PARD3B: variants seen among roughly 807,000 people sequenced by gnomAD.
PARD3B encodes par-3 family cell polarity regulator beta, also known as partitioning defective 3 homolog B.
A neutral mutation model predicts 130.2 loss-of-function variants in PARD3B; 103 were observed. The ratio of observed to expected loss-of-function variants is 0.79; its 90% CI spans 0.67 to 0.93. PARD3B has a LOEUF of 0.93. Among genes scored for constraint, PARD3B ranks in the 40% least tolerant of loss-of-function variants. The pLI is 0.00. For missense variants in PARD3B, 1,609 were observed against 1,499.2 expected, an observed-to-expected ratio of 1.07 and a Z score of -1.21; for synonymous variants, 583 against 553.2, an observed-to-expected ratio of 1.05 and a Z score of -0.76.
intron 3 of PARD3B, among the ~76,000 whole-genome samples, chr2:204,981,220 AC>A (rs1442177887): frequency 6.6e-6 from 1 of 152,174 alleles, no homozygotes; most frequent in Non-Finnish European, 1.5e-5. Context: ...GTCCTAGGTA[AC>A]CTAGGTAATT....
chr2:205,331,782 C>CAAAAAAAAAAAAAAAA lies in PARD3B; in HGVS notation c.2630+30089_2630+30104dup, dbSNP rs56654511. 2.1e-3 allele frequency among the ~76,000 whole-genome samples: 100 copies of CAAAAAAAAAAAAAAAA among 48,392 alleles called. 15 individuals carry two copies. Among genetic ancestry groups the CAAAAAAAAAAAAAAAA allele is most frequent in the African/African-American group, 0.01 (96 of 9,292 alleles). The allele number at this position is 48,392 out of a possible 152,430, so 31.7% of individuals were successfully genotyped here. A position where few individuals can be genotyped will look rare whatever the true frequency, so the allele number is the denominator to read the frequency against. On this transcript the variant is annotated intron_variant, in intron 18 of 22. Coordinates refer to ENST00000406610, the MANE Select transcript of PARD3B (RefSeq NM_001302769.2). ...TGGGCGACAGAGTGAGACTCCGTCT[C>CAAAAAAAAAAAAAAAA]AAAAAAAAAAAAAAAAAAAAAAAGA...
chr2:204,831,457 C>T (rs1206588189), intron 2 of PARD3B, among the ~76,000 whole-genome samples: 1 of 152,118 alleles, frequency 6.6e-6, no homozygotes, highest in African/African-American at 2.4e-5. Flanking sequence ...GTTTTAATAA[C>T]TTATGTTCAG....
intron 1 of PARD3B, among the ~76,000 whole-genome samples, chr2:204,563,859 C>T (rs997629208): frequency 2.6e-5 from 4 of 152,126 alleles, no homozygotes; most frequent in Non-Finnish European, 5.9e-5. Flanking sequence ...CTGCCAGATC[C>T]ACCTCCCGGG....
rs75028656 is a variant in PARD3B at position 205,159,888 on chromosome 2, T to C, written c.1620+981T>C. Among the ~76,000 whole-genome samples, 958 of 152,366 alleles carry C rather than the reference T, an allele frequency of 6.3e-3. 14 individuals carry two copies. Among genetic ancestry groups the C allele is most frequent in the African/African-American group, 0.022 (910 of 41,590 alleles). On this transcript the variant is annotated intron_variant, in intron 11 of 22. Coordinates refer to ENST00000406610, the MANE Select transcript of PARD3B (RefSeq NM_001302769.2). The stretch of plus-strand genomic sequence containing the variant: ...TGTTAAGACTAAAAGAGACAATATG[T>C]GTCAAGTGCTTAGCACAGTGCCTGT...
chr2:204,710,768 A>G lies in PARD3B; in HGVS notation c.222+24486A>G, dbSNP rs531955566. Among the ~76,000 whole-genome samples the G allele has an allele frequency of 3.3e-5, 5 of 152,300 alleles. No individual in the cohort carries two copies. In the East Asian group the frequency reaches 7.7e-4, roughly 23 times the overall value. Reference sequence around the variant, plus strand: ...TCTGTGTTGGGGTCCTGGAATCTGTATGGCGTCCTGTGCTGTTTTATTTAT... The same window carrying G: ...TCTGTGTTGGGGTCCTGGAATCTGTGTGGCGTCCTGTGCTGTTTTATTTAT... On this transcript the variant is annotated intron_variant, in intron 2 of 22. Coordinates refer to ENST00000406610, the MANE Select transcript of PARD3B (RefSeq NM_001302769.2).
chr2:204,574,604 A>G (rs2032162157), intron 1 of PARD3B, among the ~76,000 whole-genome samples: 1 of 152,216 alleles, frequency 6.6e-6, no homozygotes, highest in Non-Finnish European at 1.5e-5. Context: ...GCTCTGCCAT[A>G]TACTAGTTGT....
At chr2:204,853,396 C>G (rs1198417603) in intron 2 of PARD3B, among the ~76,000 whole-genome samples, 1 of 152,046 alleles carries the variant, frequency 6.6e-6, no homozygotes. Context: ...CTTGATGAAG[C>G]CTGAATGTGT....
Position 205,325,027 on chromosome 2 carries a change from T to G in PARD3B, c.2630+23326T>G, listed in dbSNP as rs1272760882. On this transcript the variant is annotated intron_variant, in intron 18 of 22. Transcript: ENST00000406610. This position sits in a 1 kb window ranked among gnomAD's most constrained non-coding sequence, Gnocchi z 4.1. The stretch of plus-strand genomic sequence containing the variant: ...CCACAAATTCTACTCTCTAAGAATC[T>G]AAATTCTCTCTCCATCTTCACTGCA... 6.6e-6 allele frequency among the ~76,000 whole-genome samples: 1 copy of G among 152,216 alleles called. No individual in the cohort carries two copies. The highest frequency in any genetic ancestry group is 1.5e-5 in the Non-Finnish European group (1 of 68,044).
intron 18 of PARD3B, among the ~76,000 whole-genome samples, chr2:205,320,708 A>T (rs1417169418): frequency 6.6e-6 from 1 of 152,252 alleles, no homozygotes; most frequent in Non-Finnish European, 1.5e-5. Context: ...TTAAATGCAC[A>T]TGGCATCTCA....
chr2:205,209,733 G>A (rs924522456), intron 15 of PARD3B, among the ~76,000 whole-genome samples: 1 of 151,952 alleles, frequency 6.6e-6, no homozygotes, highest in African/African-American at 2.4e-5. Context: ...TAAAGACACT[G>A]TAAGGAGAGA....
intron 1 of PARD3B, among the ~76,000 whole-genome samples, chr2:204,632,645 T>A (rs1157383454): frequency 6.6e-6 from 1 of 152,190 alleles, no homozygotes; most frequent in African/African-American, 2.4e-5. Context: ...CCCAAGGCCC[T>A]GGTGGCCAGG....
In PARD3B at chr2:205,167,387, A is replaced by G. The variant is rs139262856; in HGVS notation, c.1621-4824A>G. 2.6e-5 allele frequency among the ~76,000 whole-genome samples: 4 copies of G among 152,232 alleles called. No homozygotes were observed. In the East Asian group the frequency reaches 7.7e-4, roughly 29 times the overall value. On this transcript the variant is annotated intron_variant, in intron 11 of 22. Transcript: ENST00000406610. ...GTAAATATTTTTTTTTTCAAAAATGAGTATCTGTAGCTTTTATTAGATTCT... is the reference window on the plus strand; with the variant it reads ...GTAAATATTTTTTTTTTCAAAAATGGGTATCTGTAGCTTTTATTAGATTCT...
At chr2:204,758,606 C>A (rs1365886447) in intron 2 of PARD3B, among the ~76,000 whole-genome samples, 5 of 152,148 alleles carry the variant, frequency 3.3e-5, no homozygotes, top group Admixed American at 2.0e-4. Context: ...AATAACGTTT[C>A]TCCAGGTATG....
intron 22 of PARD3B, among the ~76,000 whole-genome samples, chr2:205,603,305 A>T (rs2054862129): frequency 6.6e-6 from 1 of 152,142 alleles, no homozygotes; most frequent in African/African-American, 2.4e-5. Flanking sequence ...GCCATGTGTC[A>T]CCAAAAAGAA....
chr2:204,649,324 A>G (rs1011688218), intron 1 of PARD3B, among the ~76,000 whole-genome samples: 1 of 151,642 alleles, frequency 6.6e-6, no homozygotes, highest in Non-Finnish European at 1.5e-5. Flanking sequence ...ATGTATTTTG[A>G]GTACTAACCT....
At chr2:205,439,607 C>T (rs1209825380) in intron 19 of PARD3B, among the ~76,000 whole-genome samples, 3 of 152,188 alleles carry the variant, frequency 2.0e-5, no homozygotes, top group African/African-American at 7.2e-5. Context: ...CAGTAGACTG[C>T]ACAGTGGCAC....
intron 2 of PARD3B, among the ~76,000 whole-genome samples, chr2:204,809,948 T>C (rs2042907796): frequency 6.6e-6 from 1 of 152,090 alleles, no homozygotes; most frequent in Admixed American, 6.6e-5. Flanking sequence ...TGTAGAGATC[T>C]TTCACCTCCC....
chr2:204,965,198 G>A lies in PARD3B; in HGVS notation c.269G>A (p.Ser90Asn). 1.2e-6 allele frequency: 2 copies of A among 1,613,908 alleles called. No individual in the cohort carries two copies. The highest frequency in any genetic ancestry group is 1.7e-6 in the Non-Finnish European group (2 of 1,179,896). The change falls in exon 3 of 23, where the codon AGC (serine) becomes AAC (asparagine). Residue 90 changes from serine to asparagine, a missense_variant. By Grantham distance (46) the Ser-to-Asn change is conservative. Transcript: ENST00000406610. The part of the protein sequence containing the change: ...EEQEPLHKIE[S>N]PSGNPADRQS... ...CAAGAACCACTCCACAAGATTGAGA[G>A]CCCCAGTGGAAACCCTGCAGATCGG...
chr2:205,215,088 A>G (rs558351752), intron 15 of PARD3B, among the ~76,000 whole-genome samples: 12 of 152,224 alleles, frequency 7.9e-5, no homozygotes, highest in African/African-American at 2.4e-4. Context: ...TGTTATTACC[A>G]TGCACTTTTC....
Sources: allele counts gnomAD v4.1 joint callset (sites outside exome capture counted in the v4.1 genomes callset), GRCh38; gene constraint gnomAD v4.1.1; non-coding constraint Gnocchi (gnomAD v3.1); transcripts MANE v1.5; gene names NCBI Gene and HGNC (gene_info 2026-07-23, HGNC 2026-07-21).